The following ERBIN variants were observed in gnomAD, a reference collection of about 807,000 sequenced individuals.
ERBIN encodes erbb2 interacting protein, also known as densin-180-like protein.
Under a neutral mutation model 158.4 loss-of-function variants are expected in ERBIN, and 60 were observed. That is an observed-to-expected ratio of 0.38 (90% CI 0.31 to 0.47). The LOEUF is 0.47. Ranked by LOEUF, ERBIN falls within the 20% of genes least tolerant of loss-of-function variation. The pLI is 0.99. For missense variants in ERBIN, 1,610 were observed against 1,648.0 expected (o/e 0.98, Z 0.40); for synonymous variants, 594 against 557.2 (o/e 1.07, Z -0.93).
At chr5:66,014,359 C>G (rs985261866) in intron 6 of ERBIN, among the ~76,000 whole-genome samples, 1 of 152,076 alleles carries the variant, frequency 6.6e-6, no homozygotes, top group Non-Finnish European at 1.5e-5. Flanking sequence ...CTTGAATCTA[C>G]CAAGAGTTAA....
chr5:66,025,723 T>C, intron 11 of ERBIN, 125 bp from the exon 12 acceptor site: 3 of 876,698 alleles, frequency 3.4e-6, no homozygotes, highest in Non-Finnish European at 5.1e-6. Flanking sequence ...TGGTGAAGTT[T>C]AGCTTTGTGA....
At chr5:65,940,427 C>T (rs1226435767) in intron 1 of ERBIN, among the ~76,000 whole-genome samples, 3 of 139,148 alleles carry the variant, frequency 2.2e-5, no homozygotes, top group Non-Finnish European at 3.1e-5. Flanking sequence ...GGGGGGTCAG[C>T]CCCCCGCCCG....
chr5:66,011,713 G>A (rs1350744960), intron 4 of ERBIN, among the ~76,000 whole-genome samples: 2 of 150,668 alleles, frequency 1.3e-5, no homozygotes, highest in African/African-American at 5.0e-5. Context: ...AATGAAAAAC[G>A]GTCCTTTTTT....
At chr5:65,941,456 A>G (rs1292262259) in intron 1 of ERBIN, among the ~76,000 whole-genome samples, 2 of 152,202 alleles carry the variant, frequency 1.3e-5, no homozygotes, top group Non-Finnish European at 2.9e-5. Context: ...ATATACAAAT[A>G]CAACACCATT....
intron 2 of ERBIN, among the ~76,000 whole-genome samples, chr5:65,991,901 G>T (rs1457106088): frequency 6.6e-6 from 1 of 152,062 alleles, no homozygotes; most frequent in Non-Finnish European, 1.5e-5. Context: ...AATATACTTG[G>T]GGTAGGTGGG....
At chr5:66,072,690 G>T (rs886124850) in intron 22 of ERBIN, among the ~76,000 whole-genome samples, 12 of 152,106 alleles carry the variant, frequency 7.9e-5, no homozygotes, top group Admixed American at 6.5e-5. Flanking sequence ...TACTTCAAAT[G>T]ATAATTAGAA....
At chr5:66,019,912 C>G (rs774637187) in intron 7 of ERBIN, among the ~76,000 whole-genome samples, 5 of 152,096 alleles carry the variant, frequency 3.3e-5, no homozygotes, top group Non-Finnish European at 7.4e-5. Context: ...TCCTCACAAT[C>G]TTCTTCACTT....
In ERBIN at chr5:66,076,365, G is replaced by T. The variant is rs780344701; in HGVS notation, c.4013G>T (p.Gly1338Val). The change falls in exon 24 of 26, where the codon GGT (glycine) becomes GTT (valine). Residue 1338 changes from glycine to valine, a missense_variant. Coordinates refer to ENST00000284037, the MANE Select transcript of ERBIN (RefSeq NM_001253697.2). ...KDPELGFSIS[G>V]GVGGRGNPFR... ...CCAGAACTTGGATTTAGCATATCAG[G>T]TGGTGTCGGGGGTAGAGGAAACCCA... The T allele has an allele frequency of 3.1e-6, 5 of 1,613,522 alleles. No homozygotes were observed. Among genetic ancestry groups the T allele is most frequent in the Non-Finnish European group, 4.2e-6 (5 of 1,179,816 alleles).
At chr5:65,967,869 A>G (rs1369494117) in intron 1 of ERBIN, among the ~76,000 whole-genome samples, 1 of 151,992 alleles carries the variant, frequency 6.6e-6, no homozygotes, top group Non-Finnish European at 1.5e-5. Context: ...TTGCAGTTAG[A>G]TGGTTGCCAG....
intron 20 of ERBIN, among the ~76,000 whole-genome samples, chr5:66,051,344 G>A (rs1484391814): frequency 6.6e-6 from 1 of 152,134 alleles, no homozygotes; most frequent in Non-Finnish European, 1.5e-5. Context: ...ACTCTTGACT[G>A]GTGGTGTATA....
intron 14 of ERBIN, among the ~76,000 whole-genome samples, chr5:66,035,851 T>G (rs1757340851): frequency 6.6e-6 from 1 of 152,194 alleles, no homozygotes; most frequent in Non-Finnish European, 1.5e-5. Flanking sequence ...CCTAGCACTT[T>G]GAGAAGTCAA....
rs1182225573 is a variant in ERBIN at position 66,075,112 on chromosome 5, C to G, written c.3845C>G (p.Ala1282Gly). 5 of 1,614,030 alleles carry G rather than the reference C, an allele frequency of 3.1e-6. No homozygotes were observed. The highest frequency in any genetic ancestry group is 1.3e-5 in the African/African-American group (1 of 74,900). ...QIHHPPQASVARHPSREQLID... is the reference protein window; with the variant it reads ...QIHHPPQASVGRHPSREQLID... ...CATCACCCCCCTCAGGCATCTGTGG[C>G]AAGGCATCCCTCTAGAGAACAACTA... Residue 1282 changes from alanine to glycine, a missense_variant, in exon 23 of 26, where the codon GCA becomes GGA. By Grantham distance (60) the Ala-to-Gly change is moderately conservative. Coordinates refer to ENST00000284037, the MANE Select transcript of ERBIN (RefSeq NM_001253697.2).
rs764331576 is a variant in ERBIN, at chr5:66,078,455, T to C, written c.4164T>C (p.His1388=). ...GCTACAGTTTTATAAATATTGAACA[T>C]GGACAAGCAGTGTCCTTGCTAAAAA... ...ANGYSFINIE[H]GQAVSLLKTF... The change falls in exon 26 of 26, where the codon CAT becomes CAC. Residue 1388 remains histidine, a synonymous_variant. Coordinates refer to ENST00000284037, the MANE Select transcript of ERBIN (RefSeq NM_001253697.2). 3.2e-6 allele frequency: 5 copies of C among 1,587,246 alleles called. No homozygotes were observed. Among genetic ancestry groups the C allele is most frequent in the East Asian group, 4.5e-5 (2 of 44,016 alleles).
intron 1 of ERBIN, among the ~76,000 whole-genome samples, chr5:65,982,221 C>T (rs568118086): frequency 1.5e-4 from 23 of 152,226 alleles, no homozygotes; most frequent in East Asian, 5.8e-4. Flanking sequence ...CAGTAGTGTA[C>T]GTTACAGGAG....
intron 1 of ERBIN, among the ~76,000 whole-genome samples, chr5:65,939,633 C>T (rs1396904841): frequency 6.6e-6 from 1 of 152,220 alleles, no homozygotes; most frequent in Non-Finnish European, 1.5e-5. Context: ...TCTCGGCTCA[C>T]TGCAGCCTCC....
chr5:65,939,990 G>GTCTC (rs1426226941), intron 1 of ERBIN, among the ~76,000 whole-genome samples: 4 of 149,596 alleles, frequency 2.7e-5, no homozygotes, highest in African/African-American at 7.4e-5. Context: ...AGTGAGGAGC[G>GTCTC]TCTCTGCCTG....
intron 1 of ERBIN, among the ~76,000 whole-genome samples, chr5:65,935,909 G>C (rs1744023065): frequency 6.6e-6 from 1 of 152,120 alleles, no homozygotes; most frequent in Non-Finnish European, 1.5e-5. Flanking sequence ...ATTTTTTATA[G>C]AGGTAGAGGT....
chr5:65,942,248 A>G (rs939872002), intron 1 of ERBIN, among the ~76,000 whole-genome samples: 13 of 152,356 alleles, frequency 8.5e-5, no homozygotes, highest in Admixed American at 5.9e-4. Context: ...TATTAATGAC[A>G]TAACTCAGAT....
chr5:66,006,459 A>T (rs1207193857), intron 4 of ERBIN, among the ~76,000 whole-genome samples: 2 of 152,198 alleles, frequency 1.3e-5, no homozygotes, highest in Non-Finnish European at 2.9e-5. Flanking sequence ...AACCTAGGCA[A>T]TACCATTCAG....
Sources: allele counts gnomAD v4.1 joint callset (sites outside exome capture counted in the v4.1 genomes callset), GRCh38; gene constraint gnomAD v4.1.1; transcripts MANE v1.5; gene names NCBI Gene and HGNC (gene_info 2026-07-23, HGNC 2026-07-21).